CAPZA1: variants seen among roughly 807,000 people sequenced by gnomAD.
CAPZA1 encodes F-actin-capping protein subunit alpha-1.
A neutral mutation model predicts 40.8 loss-of-function variants in CAPZA1; 10 were observed. The ratio of observed to expected loss-of-function variants is 0.25; its 90% CI spans 0.15 to 0.42. CAPZA1 has a LOEUF of 0.42. CAPZA1 is among the 10% of genes least tolerant of loss of function. CAPZA1 has a pLI of 1.00. For synonymous variants in CAPZA1, 98 were observed against 115.0 expected, an observed-to-expected ratio of 0.85 and a Z score of 0.95; for missense variants, 277 against 353.8, an observed-to-expected ratio of 0.78 and a Z score of 1.74.
intron 1 of CAPZA1, among the ~76,000 whole-genome samples, chr1:112,633,038 T>C (rs1340674591): frequency 6.6e-6 from 1 of 152,346 alleles, no homozygotes; most frequent in African/African-American, 2.4e-5. Context: ...AGGTCTCAGC[T>C]GGGAAAATAA....
At chr1:112,626,724 C>T (rs2101137754) in intron 1 of CAPZA1, among the ~76,000 whole-genome samples, 1 of 152,278 alleles carries the variant, frequency 6.6e-6, no homozygotes, top group South Asian at 2.1e-4. Context: ...CTTTATACAT[C>T]CTTCCTGGTT....
chr1:112,632,631 G>T (rs1670943114), intron 1 of CAPZA1, among the ~76,000 whole-genome samples: 1 of 152,156 alleles, frequency 6.6e-6, no homozygotes, highest in Admixed American at 6.5e-5. Flanking sequence ...GAAGCCTAAA[G>T]TTTGCCATTC....
intron 1 of CAPZA1, among the ~76,000 whole-genome samples, chr1:112,621,153 C>T (rs989183980): frequency 1.3e-5 from 2 of 152,198 alleles, no homozygotes; most frequent in Non-Finnish European, 2.9e-5. Context: ...GATCTTCATA[C>T]ATGTTTAAGA....
chr1:112,667,910 T>G (rs1027521865), intron 8 of CAPZA1, among the ~76,000 whole-genome samples: 8 of 152,124 alleles, frequency 5.3e-5, no homozygotes, highest in Admixed American at 2.6e-4. Context: ...CTTCTTTAAG[T>G]TATTAGAAGT....
At chr1:112,646,578 A>C (rs1468433253) in intron 1 of CAPZA1, among the ~76,000 whole-genome samples, 1 of 152,212 alleles carries the variant, frequency 6.6e-6, no homozygotes, top group Non-Finnish European at 1.5e-5. Context: ...CCTATCTCAA[A>C]ATAAATAAAT....
At chr1:112,629,439 C>A (rs981806510) in intron 1 of CAPZA1, among the ~76,000 whole-genome samples, 11 of 152,186 alleles carry the variant, frequency 7.2e-5, no homozygotes, top group African/African-American at 2.7e-4. Context: ...TGTCTTTACC[C>A]ACTAGAATGT....
chr1:112,653,788 C>T, intron 4 of CAPZA1, 127 bp downstream of exon 4: 2 of 675,814 alleles, frequency 3.0e-6, no homozygotes, highest in Non-Finnish European at 5.2e-6. Flanking sequence ...TTTGTGTGTA[C>T]TGTACGTGTT....
At chr1:112,652,603 A>G (rs556669581) in intron 3 of CAPZA1, among the ~76,000 whole-genome samples, 3 of 151,320 alleles carry the variant, frequency 2.0e-5, no homozygotes, top group Non-Finnish European at 2.9e-5. Flanking sequence ...TTTGTAGTTC[A>G]TAAGTGTGAT....
chr1:112,646,782 G>A (rs1451511686), intron 1 of CAPZA1: 1 of 146,658 alleles, frequency 6.8e-6, no homozygotes, highest in East Asian at 2.0e-4. Context: ...ACATGGTTTT[G>A]GTCTTTTAAT....
chr1:112,664,482 C>T (rs1192278070), intron 7 of CAPZA1, among the ~76,000 whole-genome samples: 1 of 152,152 alleles, frequency 6.6e-6, no homozygotes, highest in Non-Finnish European at 1.5e-5. Context: ...TGTTGGATAG[C>T]TCTGGAATTT....
At chr1:112,647,019 T>A (rs1307660807) in intron 1 of CAPZA1, among the ~76,000 whole-genome samples, 191 bp from the exon 2 acceptor site, 1 of 152,218 alleles carries the variant, frequency 6.6e-6, no homozygotes, top group African/African-American at 2.4e-5. Flanking sequence ...CAAATCAGAA[T>A]GTACCTATAT....
At chr1:112,635,971 G>A (rs1461973464) in intron 1 of CAPZA1, among the ~76,000 whole-genome samples, 4 of 152,200 alleles carry the variant, frequency 2.6e-5, no homozygotes, top group Non-Finnish European at 2.9e-5. Context: ...GGAGGTTGCA[G>A]TGAGCTGAGA....
intron 8 of CAPZA1, 43 bp from the exon 9 acceptor site, chr1:112,669,500 T>G: frequency 1.4e-6 from 2 of 1,384,268 alleles, no homozygotes; most frequent in Middle Eastern, 1.8e-4. Flanking sequence ...TGCTTACACA[T>G]TAAAAAAAAA....
At chr1:112,646,524 C>T (rs996242865) in intron 1 of CAPZA1, among the ~76,000 whole-genome samples, 2 of 152,148 alleles carry the variant, frequency 1.3e-5, no homozygotes, top group Non-Finnish European at 2.9e-5. Flanking sequence ...CTGCAGTAAG[C>T]CTTGATCATG....
intron 1 of CAPZA1, among the ~76,000 whole-genome samples, chr1:112,636,503 C>T (rs1360812297): frequency 6.6e-6 from 1 of 152,012 alleles, no homozygotes; most frequent in Admixed American, 6.5e-5. Flanking sequence ...ATGTAAAAGC[C>T]TCGGATAGTC....
chr1:112,658,091 A>T (rs1280201446), intron 5 of CAPZA1, among the ~76,000 whole-genome samples: 1 of 152,204 alleles, frequency 6.6e-6, no homozygotes, highest in Non-Finnish European at 1.5e-5. Context: ...TCAACTTCTT[A>T]TCTGTAGATA....
chr1:112,651,858 G>A (rs1432597410), intron 3 of CAPZA1, among the ~76,000 whole-genome samples: 1 of 152,158 alleles, frequency 6.6e-6, no homozygotes, highest in Non-Finnish European at 1.5e-5. Flanking sequence ...GCTCACACCT[G>A]TAATCCCAGC....
At chr1:112,665,857 G>A (rs962464271) in intron 7 of CAPZA1, among the ~76,000 whole-genome samples, 1 of 152,084 alleles carries the variant, frequency 6.6e-6, no homozygotes, top group Non-Finnish European at 1.5e-5. Context: ...TAAAATCATA[G>A]CACTAGATAA....
At chr1:112,628,004 C>T (rs886954951) in intron 1 of CAPZA1, among the ~76,000 whole-genome samples, 17 of 152,040 alleles carry the variant, frequency 1.1e-4, no homozygotes, top group African/African-American at 3.6e-4. Context: ...TTAAGTATGC[C>T]GTGAAGAGTT....
Sources: gnomAD v4.1 joint callset for allele counts (sites outside exome capture counted in the v4.1 genomes callset) on GRCh38, gnomAD v4.1.1 for gene constraint, MANE v1.5 for transcripts, NCBI Gene and HGNC (gene_info 2026-07-23, HGNC 2026-07-21) for gene names.